The following UBE2E2 variants were observed in gnomAD, a reference collection of about 807,000 sequenced individuals.
The protein encoded by UBE2E2 is ubiquitin-conjugating enzyme E2 E2.
In UBE2E2, 6 loss-of-function variants were observed where a neutral mutation model predicts 24.7. That is an observed-to-expected ratio of 0.24 (90% confidence interval 0.13 to 0.48). The LOEUF (loss-of-function observed/expected upper bound fraction) is 0.48, where lower values mean the gene tolerates loss of function less well. UBE2E2 is among the 20% of genes least tolerant of loss of function. The pLI is 0.99. For synonymous variants in UBE2E2, 104 were observed against 83.6 expected, an observed-to-expected ratio of 1.24 and a Z score of -1.33; for missense variants, 169 against 245.0, an observed-to-expected ratio of 0.69 and a Z score of 2.07.
At chr3:23,556,693 T>C (rs1695797246) in intron 5 of UBE2E2, among the ~76,000 whole-genome samples, 1 of 152,162 alleles carries the variant, frequency 6.6e-6, no homozygotes, top group Non-Finnish European at 1.5e-5. Flanking sequence ...AGAATTTCAC[T>C]GTTTTGCCTC....
At chr3:23,492,889 TAG>T (rs1313917202) in intron 3 of UBE2E2, among the ~76,000 whole-genome samples, 1 of 152,056 alleles carries the variant, frequency 6.6e-6, no homozygotes, top group East Asian at 1.9e-4. Flanking sequence ...AAAAAAGAAA[TAG>T]GTGAATTTTA....
intron 3 of UBE2E2, among the ~76,000 whole-genome samples, chr3:23,236,483 C>CT (rs530403264): frequency 0.058 from 7,193 of 124,226 alleles, 297 homozygotes; most frequent in East Asian, 0.13. Context: ...TTCTTAGGTC[C>CT]TTTTTTTTTT....
At position 23,562,623 on chromosome 3, in the gene UBE2E2, G is replaced by A. The variant is rs914088087; in HGVS notation, c.509-27111G>A. On this transcript the variant is annotated intron_variant, in intron 5 of 5. Transcript: ENST00000396703. ...AGGATTCCCTCTTTTTCTATTGATT[G>A]GAATAGTTTCAGAAGGAATGGTATC... Among the ~76,000 whole-genome samples the A allele has an allele frequency of 4.8e-4, 73 of 152,122 alleles. 1 individual carries two copies. The highest frequency in any genetic ancestry group is 2.6e-4 in the Admixed American group (4 of 15,278).
intron 3 of UBE2E2, chr3:23,271,081 A>G: frequency 2.2e-6 from 1 of 454,566 alleles, no homozygotes; most frequent in African/African-American, 2.0e-5. Flanking sequence ...AAAAGTTAAG[A>G]TGATAGCAGT....
At chr3:23,392,540 A>T (rs1396858913) in intron 3 of UBE2E2, among the ~76,000 whole-genome samples, 1 of 152,140 alleles carries the variant, frequency 6.6e-6, no homozygotes, top group East Asian at 1.9e-4. Context: ...GAGGGGGATG[A>T]TATTAAGAGC....
At chr3:23,392,643 C>T (rs1272740515) in intron 3 of UBE2E2, among the ~76,000 whole-genome samples, 2 of 152,054 alleles carry the variant, frequency 1.3e-5, no homozygotes, top group Admixed American at 6.6e-5. Flanking sequence ...CAGAATATTA[C>T]CTAGTTAATT....
intron 5 of UBE2E2, among the ~76,000 whole-genome samples, chr3:23,570,137 A>G (rs935905994): frequency 7.9e-5 from 12 of 152,182 alleles, no homozygotes; most frequent in African/African-American, 2.4e-4. Context: ...TGCGAGGAAC[A>G]TGGTCTGGTA....
chr3:23,379,879 A>G (rs1310030393), intron 3 of UBE2E2, among the ~76,000 whole-genome samples: 2 of 152,144 alleles, frequency 1.3e-5, no homozygotes, highest in African/African-American at 4.8e-5. Flanking sequence ...ACAAACTCAG[A>G]GTAATCCTGT....
intron 3 of UBE2E2, among the ~76,000 whole-genome samples, chr3:23,375,252 G>A (rs576988961): frequency 2.0e-4 from 30 of 152,178 alleles, no homozygotes; most frequent in African/African-American, 7.2e-4. Context: ...TTTTATAATT[G>A]ACCCATGGGA....
intron 3 of UBE2E2, among the ~76,000 whole-genome samples, chr3:23,284,930 T>C (rs1698577111): frequency 6.8e-6 from 1 of 146,562 alleles, no homozygotes; most frequent in East Asian, 2.0e-4. Context: ...CATTTTTTTT[T>C]CATTTTTCTA....
At chr3:23,210,747 C>G (rs1696300589) in intron 2 of UBE2E2, among the ~76,000 whole-genome samples, 1 of 152,136 alleles carries the variant, frequency 6.6e-6, no homozygotes, top group Non-Finnish European at 1.5e-5. Flanking sequence ...TAGGAAGTCT[C>G]TTTTGAGTTG....
At chr3:23,220,544 T>C in intron 3 of UBE2E2, among the ~76,000 whole-genome samples, 1 of 152,176 alleles carries the variant, frequency 6.6e-6, no homozygotes, top group Non-Finnish European at 1.5e-5. Flanking sequence ...CTATAAGTAG[T>C]GGAATATATT....
chr3:23,309,990 C>T (rs1694319675), intron 3 of UBE2E2, among the ~76,000 whole-genome samples: 1 of 152,066 alleles, frequency 6.6e-6, no homozygotes, highest in South Asian at 2.1e-4. Flanking sequence ...AGAATACTCT[C>T]AAAAGTCACA....
At chr3:23,309,070 A>G (rs184222364) in intron 3 of UBE2E2, among the ~76,000 whole-genome samples, 122 of 152,362 alleles carry the variant, frequency 8.0e-4, no homozygotes, top group Non-Finnish European at 7.6e-4. Context: ...GCTCACAGCC[A>G]GTTGGCATGG....
intron 5 of UBE2E2, among the ~76,000 whole-genome samples, chr3:23,554,161 C>T (rs1380839560): frequency 1.3e-5 from 2 of 152,070 alleles, no homozygotes; most frequent in African/African-American, 2.4e-5. Context: ...TAGTATATAG[C>T]TATAGTAATC....
At chr3:23,244,520 A>G (rs564730544) in intron 3 of UBE2E2, among the ~76,000 whole-genome samples, 8 of 152,306 alleles carry the variant, frequency 5.3e-5, no homozygotes, top group Non-Finnish European at 1.0e-4. Context: ...ATAATTAACT[A>G]TACAAGGTTT....
At chr3:23,366,032 A>C (rs1696248418) in intron 3 of UBE2E2, among the ~76,000 whole-genome samples, 1 of 152,172 alleles carries the variant, frequency 6.6e-6, no homozygotes, top group African/African-American at 2.4e-5. Context: ...CTATATAATA[A>C]GTGGTGCTGT....
At chr3:23,214,899 G>T in intron 2 of UBE2E2, among the ~76,000 whole-genome samples, 1 of 151,442 alleles carries the variant, frequency 6.6e-6, no homozygotes. Flanking sequence ...TCCTTCTGTT[G>T]GTTTTCTGTA....
intron 3 of UBE2E2, among the ~76,000 whole-genome samples, chr3:23,451,089 A>G (rs773737755): frequency 2.6e-5 from 4 of 152,184 alleles, no homozygotes; most frequent in Non-Finnish European, 2.9e-5. Flanking sequence ...TAAATCTGCA[A>G]CTATTGTAAA....
Sources: allele counts gnomAD v4.1 joint callset (sites outside exome capture counted in the v4.1 genomes callset), GRCh38; gene constraint gnomAD v4.1.1; transcripts MANE v1.5; gene names NCBI Gene and HGNC (gene_info 2026-07-23, HGNC 2026-07-21).